The following EIF3G variants were observed in gnomAD, a reference collection of about 807,000 sequenced individuals.
The protein encoded by EIF3G is eukaryotic translation initiation factor 3 subunit G.
Under a neutral mutation model 41.7 loss-of-function variants are expected in EIF3G, and 10 were observed. The observed-to-expected ratio is 0.24, with a 90% CI of 0.15 to 0.41. The LOEUF is 0.41. EIF3G is among the 10% of genes least tolerant of loss of function. EIF3G has a pLI of 1.00. For missense variants in EIF3G, 297 were observed against 444.0 expected, an observed-to-expected ratio of 0.67 and a Z score of 2.98; for synonymous variants, 204 against 172.5, an observed-to-expected ratio of 1.18 and a Z score of -1.43.
intron 2 of EIF3G, 113 bp downstream of exon 2, chr19:10,119,541 G>A: frequency 7.4e-7 from 1 of 1,358,566 alleles, no homozygotes; most frequent in Non-Finnish European, 1.0e-6. Context: ...GATGGCGCGG[G>A]GCAGGGGCAG....
rs1354484259 is a variant in EIF3G at position 10,116,478 on chromosome 19, C to T, written c.595+322G>A. Reference sequence around the variant, plus strand: ...ATCCCACCAAAGAATTCGGACGGTACAGCCACAGGCATGCAACGGAGACAC... The same window carrying T: ...ATCCCACCAAAGAATTCGGACGGTATAGCCACAGGCATGCAACGGAGACAC... On this transcript the variant is annotated intron_variant, in intron 7 of 10. Coordinates refer to ENST00000253108, the MANE Select transcript of EIF3G (RefSeq NM_003755.5). The surrounding 1 kb of genome is among the most constrained non-coding windows in gnomAD (Gnocchi z 4.1). 4.1e-6 allele frequency: 2 copies of T among 486,778 alleles called. No individual in the cohort carries two copies. The highest frequency in any genetic ancestry group is 7.4e-6 in the Non-Finnish European group (2 of 270,914). 30.2% of individuals were successfully genotyped at this position (486,778 alleles called of 1,614,324 possible).
rs759761009 is a variant in EIF3G at position 10,116,120 on chromosome 19, C to G, written c.596-46G>C. The G allele has an allele frequency of 6.3e-7, 1 of 1,580,632 alleles. No individual in the cohort carries two copies. The highest frequency in any genetic ancestry group is 1.1e-5 in the South Asian group (1 of 88,430). ...AAGTTCAACCTCACTGTGGCGCAGG[C>G]GTGGGGACAGAGCCGCCCCAGGAAG... On this transcript the variant is annotated intron_variant, in intron 7 of 10. Transcript: ENST00000253108. This position sits in a 1 kb window ranked among gnomAD's most constrained non-coding sequence, Gnocchi z 4.1.
At chr19:10,117,524 C>T in intron 5 of EIF3G, 1 of 269,722 alleles carries the variant, frequency 3.7e-6, no homozygotes, top group Non-Finnish European at 6.9e-6. Flanking sequence ...TTGAGCTAGA[C>T]AACCTGAGCC....
In EIF3G at chr19:10,115,099, A is replaced by G. The variant is rs570896348; in HGVS notation, c.*15T>C. On this transcript the variant is annotated 3_prime_UTR_variant, in exon 11 of 11. Transcript: ENST00000253108. ...TCGCCAAGGGTCCCGGACCGAGTAC[A>G]CAGTGGCAGCTGGCTTAGTTGGTGG... 2.6e-5 allele frequency: 42 copies of G among 1,613,972 alleles called. No homozygotes were observed. Among genetic ancestry groups the G allele is most frequent in the Non-Finnish European group, 3.2e-5 (38 of 1,179,988 alleles).
intron 10 of EIF3G, 41 bp from the exon 11 acceptor site, chr19:10,115,170 CACCCCAAG>C: frequency 6.2e-7 from 1 of 1,610,170 alleles, no homozygotes; most frequent in East Asian, 2.2e-5. Flanking sequence ...CTTCTGGGGG[CACCCCAAG>C]ACCCCAGACA....
Position 10,117,007 on chromosome 19 carries a change from G to C in EIF3G, c.406-18C>G, listed in dbSNP as rs750820266. ...TTCAGGTCCTGGCAGGGGCGGGTTG[G>C]GGGGAGCTCAGAGGCGGCTAAGGCA... On this transcript the variant is annotated intron_variant, in intron 6 of 10. Coordinates refer to ENST00000253108, the MANE Select transcript of EIF3G (RefSeq NM_003755.5). 1.4e-5 allele frequency: 23 copies of C among 1,605,328 alleles called. No individual in the cohort carries two copies. The Admixed American group carries it at 2.7e-4, about 19-fold the overall frequency.
At chr19:10,119,765 C>T (rs951586642) in intron 1 of EIF3G, 65 bp from the exon 2 acceptor site, 17 of 1,613,456 alleles carry the variant, frequency 1.1e-5, no homozygotes, top group South Asian at 2.2e-5. Context: ...GCAGCCTCGG[C>T]GTACCCAGGC....
Position 10,116,778 on chromosome 19 carries a change from C to T in EIF3G, c.595+22G>A. ...GGGGACAGAACCCGTGCACTGACAG[C>T]AGGACCCTCCCACCCCCACACCTCC... On this transcript the variant is annotated intron_variant, in intron 7 of 10. Transcript: ENST00000253108. The surrounding 1 kb of genome is among the most constrained non-coding windows in gnomAD (Gnocchi z 4.1). 6.4e-7 allele frequency: 1 copy of T among 1,552,906 alleles called. No individual in the cohort carries two copies. Among genetic ancestry groups the T allele is most frequent in the Non-Finnish European group, 8.7e-7 (1 of 1,148,678 alleles).
In EIF3G at chr19:10,116,973, T is replaced by G. The variant is rs775793343; in HGVS notation, c.422A>C (p.Glu141Ala). 6.2e-7 allele frequency: 1 copy of G among 1,611,270 alleles called. No homozygotes were observed. Among genetic ancestry groups the G allele is most frequent in the East Asian group, 2.2e-5 (1 of 44,830 alleles). The change falls in exon 7 of 11, where the codon GAG becomes GCG. Residue 141 changes from glutamate (E) to alanine (A), a missense_variant. Physicochemically the swap from Glu to Ala is moderately radical, Grantham distance 107. Around this residue, in one of 4 missense-constraint regions of EIF3G, gnomAD observed 26 missense variants for 80.8 expected, o/e 0.32. Transcript: ENST00000253108. This position sits in a 1 kb window ranked among gnomAD's most constrained non-coding sequence, Gnocchi z 4.1. ...ITSKEDLNCQ[E>A]EEDPMNKLKG... is the part of the protein sequence containing the mutation. ...GAGTTTGTTCATAGGGTCCTCCTCC[T>G]CCTGGCAGTTCAGGTCCTGGCAGGG... is the stretch of plus-strand genomic sequence containing the variant.
intron 3 of EIF3G, 64 bp downstream of exon 3, chr19:10,119,024 G>A: frequency 1.9e-6 from 3 of 1,612,126 alleles, no homozygotes; most frequent in Admixed American, 1.7e-5. Flanking sequence ...GGCAGGGCTG[G>A]AGGGAGAGGC....
intron 2 of EIF3G, 184 bp from the exon 3 acceptor site, chr19:10,119,355 T>C (rs576516256): frequency 1.3e-6 from 1 of 796,424 alleles, no homozygotes; most frequent in Admixed American, 2.0e-5. Context: ...GGATGGGAGA[T>C]CCCTCGTAGG....
intron 5 of EIF3G, chr19:10,117,440 C>T (rs768850631): frequency 1.0e-4 from 48 of 466,832 alleles, no homozygotes; most frequent in Non-Finnish European, 1.6e-4. Flanking sequence ...GGGGCCTGCG[C>T]AGTCTGGCGG....
At chr19:10,115,431 G>T (rs773829289) in intron 10 of EIF3G, 48 bp downstream of exon 10, 8 of 1,561,304 alleles carry the variant, frequency 5.1e-6, no homozygotes, top group Non-Finnish European at 7.0e-6. Flanking sequence ...CCGTGAAGGT[G>T]CTGGGACAAG....
At position 10,119,686 on chromosome 19, in the gene EIF3G, C is replaced by A; in HGVS notation, c.35G>T (p.Trp12Leu). 6.3e-7 allele frequency: 1 copy of A among 1,598,586 alleles called. No homozygotes were observed. The change falls in exon 2 of 11, where the codon TGG (tryptophan) becomes TTG (leucine). Residue 12 changes from tryptophan to leucine, a missense_variant. By Grantham distance (61) the Trp-to-Leu change is moderately conservative. Coordinates refer to ENST00000253108, the MANE Select transcript of EIF3G (RefSeq NM_003755.5). ...CCCCTCCTCCTCCACCTGGTCGGCC[C>A]AACTGGGCTTCGAACTGCGGAAACA... ...PTGDFDSKPSWADQVEEEGED... is the reference protein window; with the variant it reads ...PTGDFDSKPSLADQVEEEGED...
intron 2 of EIF3G, 74 bp downstream of exon 2, chr19:10,119,580 G>T: frequency 6.6e-7 from 1 of 1,516,550 alleles, no homozygotes; most frequent in East Asian, 2.3e-5. Flanking sequence ...GTGCCAGACT[G>T]GGAGATGGAA....
chr19:10,117,156 GT>G lies in EIF3G; in HGVS notation c.332del (p.Asp111AlafsTer18). 6.2e-7 allele frequency: 1 copy of G among 1,612,974 alleles called. No homozygotes were observed. Among genetic ancestry groups the G allele is most frequent in the Non-Finnish European group, 8.5e-7 (1 of 1,179,574 alleles). On this transcript the variant is annotated frameshift_variant, in exon 6 of 11. Transcript: ENST00000253108. LOFTEE classifies it high-confidence loss of function. ...TGGTGGCCACATTGGGTCCGGGGGG[GT>G]CAAACTCTGAGTTCCCGAACTTCTT... Reference protein sequence around the residue: ...NWKKFGNSEFDPPGPNVATTT... With the variant: ...NWKKFGNSEFXPPGPNVATTT...
chr19:10,116,192 C>T lies in EIF3G; in HGVS notation c.596-118G>A. Reference sequence around the variant, plus strand: ...AGCGCAGGCACTGTGTGCCAAACCACAGGCAGCCAGTTGGCCACGAGGACA... The same window carrying T: ...AGCGCAGGCACTGTGTGCCAAACCATAGGCAGCCAGTTGGCCACGAGGACA... On this transcript the variant is annotated intron_variant, in intron 7 of 10. Transcript: ENST00000253108. This position sits in a 1 kb window ranked among gnomAD's most constrained non-coding sequence, Gnocchi z 4.1. 9.7e-7 allele frequency: 1 copy of T among 1,026,388 alleles called. No homozygotes were observed. The allele number at this position is 1,026,388 out of a possible 1,614,324, so 63.6% of individuals were successfully genotyped here.
At chr19:10,119,541 G>T (rs776542901) in intron 2 of EIF3G, 113 bp downstream of exon 2, 145 of 1,358,446 alleles carry the variant, frequency 1.1e-4, no homozygotes, top group Non-Finnish European at 1.5e-4. Context: ...GATGGCGCGG[G>T]GCAGGGGCAG....
At chr19:10,115,843 C>G (rs775982765) in intron 8 of EIF3G, 23 bp from the exon 9 acceptor site, 9 of 1,609,050 alleles carry the variant, frequency 5.6e-6, no homozygotes, top group Admixed American at 3.3e-5. Context: ...GGGGAGGTGG[C>G]TGTGAGGGGG....
Sources: allele counts gnomAD v4.1 joint callset, GRCh38; gene constraint gnomAD v4.1.1; regional missense constraint gnomAD v4.1.1; non-coding constraint Gnocchi (gnomAD v3.1); transcripts MANE v1.5; gene names NCBI Gene and HGNC (gene_info 2026-07-23, HGNC 2026-07-21).